Variants in CCDC171 observed in about 807,000 individuals in gnomAD.
CCDC171 encodes the protein coiled-coil domain-containing protein 171.
Under a neutral mutation model 168.2 loss-of-function variants are expected in CCDC171, and 177 were observed. The observed-to-expected ratio is 1.05, with a 90% confidence interval of 0.93 to 1.19. The LOEUF (loss-of-function observed/expected upper bound fraction) is 1.19, where lower values mean the gene tolerates loss of function less well. CCDC171 is among the 50% of genes most tolerant of loss of function. CCDC171 has a pLI of 0.00. For synonymous variants in CCDC171, 687 were observed against 540.8 expected, an observed-to-expected ratio of 1.27 and a Z score of -3.75; for missense variants, 1,991 against 1,539.0, an observed-to-expected ratio of 1.29 and a Z score of -4.91.
chr9:15,761,886 A>G (rs1276070610), intron 18 of CCDC171, among the ~76,000 whole-genome samples: 3 of 152,160 alleles, frequency 2.0e-5, no homozygotes, highest in Non-Finnish European at 4.4e-5. Flanking sequence ...AAAAGTCAAA[A>G]GAGTTTTACA....
rs543765413 is a variant in CCDC171 at position 15,633,020 on chromosome 9, T to C, written c.822+9607T>C. 5.3e-5 allele frequency among the ~76,000 whole-genome samples: 8 copies of C among 152,278 alleles called. No individual in the cohort carries two copies. In the East Asian group the frequency reaches 1.5e-3, roughly 29 times the overall value. On this transcript the variant is annotated intron_variant, in intron 7 of 25. Coordinates refer to ENST00000380701, the MANE Select transcript of CCDC171 (RefSeq NM_173550.4). ...TCCTTACCCATTACACAAAAATTAATTCAAGATGGATTAAAGACTTAAACG... is the reference window on the plus strand; with the variant it reads ...TCCTTACCCATTACACAAAAATTAACTCAAGATGGATTAAAGACTTAAACG...
rs190083096 is a variant in CCDC171 at position 16,001,116 on chromosome 9, C to G, written n.369-19473C>G. 5.9e-3 allele frequency among the ~76,000 whole-genome samples: 903 copies of G among 152,272 alleles called. 8 individuals are homozygous for G. Among genetic ancestry groups the G allele is most frequent in the Non-Finnish European group, 0.011 (743 of 68,012 alleles). ...TGACATGCTGAACTTTCTAGTGACT[C>G]AGAGAAGGGCCTCACCTTTTCAGGA... is the stretch of plus-strand genomic sequence containing the variant. On this transcript the variant is annotated intron_variant and non_coding_transcript_variant, in intron 3 of 9. Transcript: ENST00000486641.
chr9:15,557,582 G>T (rs930495533), intron 1 of CCDC171, among the ~76,000 whole-genome samples: 7 of 152,150 alleles, frequency 4.6e-5, no homozygotes, highest in Non-Finnish European at 5.9e-5. Context: ...TTTGCACATT[G>T]ATTTTGTATC....
At chr9:16,078,162 A>T in the CCDC171 span, among the ~76,000 whole-genome samples, 3 of 152,048 alleles carry the variant, frequency 2.0e-5, no homozygotes, top group African/African-American at 4.8e-5. Context: ...TACGTATGTC[A>T]AAACATCACA....
chr9:15,784,809 T>G, intron 21 of CCDC171, 115 bp downstream of exon 21: 1 of 758,684 alleles, frequency 1.3e-6, no homozygotes, highest in Non-Finnish European at 2.1e-6. Context: ...AATTTTATTC[T>G]ATGAGGATAG....
intron 21 of CCDC171, among the ~76,000 whole-genome samples, chr9:15,794,285 T>C (rs533194954): frequency 6.6e-6 from 1 of 152,148 alleles, no homozygotes; most frequent in East Asian, 1.9e-4. Flanking sequence ...GCCAACATGG[T>C]GAAACCCCGT....
chr9:15,704,044 C>G (rs981487680), intron 11 of CCDC171, among the ~76,000 whole-genome samples: 1 of 152,064 alleles, frequency 6.6e-6, no homozygotes, highest in Admixed American at 6.6e-5. Flanking sequence ...AACATGATGC[C>G]AATAGACTTG....
chr9:16,098,732 T>A, the CCDC171 span, among the ~76,000 whole-genome samples: 3 of 152,238 alleles, frequency 2.0e-5, no homozygotes, highest in Admixed American at 2.0e-4. Flanking sequence ...GTTTTAAAGA[T>A]CCCTTTCTGT....
intron 24 of CCDC171, chr9:15,889,021 C>G (rs915356145): frequency 1.6e-5 from 2 of 126,338 alleles, no homozygotes; most frequent in Admixed American, 1.1e-4. Flanking sequence ...TGCAGCAGTG[C>G]GATCTCAGCT....
intron 16 of CCDC171, among the ~76,000 whole-genome samples, chr9:15,740,816 A>G (rs1460276712): frequency 2.0e-5 from 3 of 152,050 alleles, no homozygotes; most frequent in Non-Finnish European, 2.9e-5. Flanking sequence ...TTCAGGGTTA[A>G]ACTCAGCTTG....
At position 16,023,235 on chromosome 9, in the gene CCDC171, C is replaced by T. The variant is rs148653848; in HGVS notation, n.998+327C>T. ...AACATATTACAGTTCTAACAGGTCC[C>T]CACATAAAACGTAATCTCTGTGACT... On this transcript the variant is annotated intron_variant and non_coding_transcript_variant, in intron 6 of 9. Transcript: ENST00000486641. Among the ~76,000 whole-genome samples, 93 of 152,222 alleles carry T rather than the reference C, an allele frequency of 6.1e-4. 1 individual carries two copies. Among genetic ancestry groups the T allele is most frequent in the African/African-American group, 2.1e-3 (89 of 41,530 alleles).
chr9:15,768,561 T>C (rs1320356126), intron 18 of CCDC171, among the ~76,000 whole-genome samples: 1 of 152,160 alleles, frequency 6.6e-6, no homozygotes, highest in Non-Finnish European at 1.5e-5. Flanking sequence ...ATTGAAATAA[T>C]AAAGAAGTAG....
intron 21 of CCDC171, among the ~76,000 whole-genome samples, chr9:15,838,237 C>T (rs2060532099): frequency 6.6e-6 from 1 of 151,978 alleles, no homozygotes; most frequent in South Asian, 2.1e-4. Context: ...TTAAGGAAAA[C>T]TATTATAAGC....
At chr9:15,862,877 A>G (rs1008799565) in intron 23 of CCDC171, among the ~76,000 whole-genome samples, 2 of 151,968 alleles carry the variant, frequency 1.3e-5, no homozygotes, top group African/African-American at 4.8e-5. Flanking sequence ...TAGAAATATC[A>G]CCCTCTGGTA....
intron 10 of CCDC171, among the ~76,000 whole-genome samples, chr9:15,685,590 ACACCAGTGCATGCTAGCCTGGGG>A (rs1255736770): frequency 2.1e-4 from 32 of 152,142 alleles, no homozygotes; most frequent in Admixed American, 2.1e-3. Flanking sequence ...AGCCATGATT[ACACCAGTGCATGCTAGCCTGGGG>A]CACAAAGTGA....
At position 15,971,830 on chromosome 9, in the gene CCDC171, A is replaced by C; in HGVS notation, c.3975A>C (p.Gly1325=). ...SANANRPTQI[G]L is the part of the protein sequence containing the mutation. ...ATGCCAACAGACCAACTCAGATTGG[A>C]TTATGACTTCATGAAATTAAAAAAT... Residue 1325 remains glycine (G), a synonymous_variant, in exon 26 of 26, where the codon GGA becomes GGC. Transcript: ENST00000380701. 1 of 1,610,540 alleles carries C rather than the reference A, an allele frequency of 6.2e-7. No homozygotes were observed. The highest frequency in any genetic ancestry group is 8.5e-7 in the Non-Finnish European group (1 of 1,176,976).
Position 15,846,788 on chromosome 9 carries a change from C to G in CCDC171, c.3354C>G (p.Asp1118Glu), listed in dbSNP as rs2060914445. The change falls in exon 22 of 26, where the codon GAC becomes GAG. Residue 1118 changes from aspartate to glutamate, a missense_variant. By Grantham distance (45) the Asp-to-Glu change is conservative. Transcript: ENST00000380701. Reference sequence around the variant, plus strand: ...GACATCTTACCCAGCTGGAGCAGGACAAGCGTCGACTGGAGGAGAACATCC... The same window carrying G: ...GACATCTTACCCAGCTGGAGCAGGAGAAGCGTCGACTGGAGGAGAACATCC... ...LNRHLTQLEQ[D>E]KRRLEENIHD... 2 of 1,611,888 alleles carry G rather than the reference C, an allele frequency of 1.2e-6. No individual in the cohort carries two copies. Among genetic ancestry groups the G allele is most frequent in the Non-Finnish European group, 1.7e-6 (2 of 1,178,988 alleles).
chr9:15,812,037 A>T (rs1182614828), intron 21 of CCDC171, among the ~76,000 whole-genome samples: 1 of 152,202 alleles, frequency 6.6e-6, no homozygotes, highest in African/African-American at 2.4e-5. Context: ...ATGGTTGGAA[A>T]CAATAATATG....
chr9:15,798,946 A>G (rs902560102), intron 21 of CCDC171, among the ~76,000 whole-genome samples: 2 of 151,828 alleles, frequency 1.3e-5, no homozygotes, highest in African/African-American at 4.8e-5. Flanking sequence ...GACTTTATGT[A>G]TAATACAAAA....
Sources: gnomAD v4.1 joint callset for allele counts (sites outside exome capture counted in the v4.1 genomes callset) on GRCh38, gnomAD v4.1.1 for gene constraint, MANE v1.5 for transcripts, NCBI Gene and HGNC (gene_info 2026-07-23, HGNC 2026-07-21) for gene names.